The following LTBP1 variants were observed in gnomAD, a reference collection of about 807,000 sequenced individuals.
LTBP1 encodes latent-transforming growth factor beta-binding protein 1.
A neutral mutation model predicts 207.6 loss-of-function variants in LTBP1; 129 were observed. That is an observed-to-expected ratio of 0.62 (90% confidence interval 0.54 to 0.72). LTBP1 has a LOEUF of 0.72. Ranked by LOEUF, LTBP1 falls within the 30% of genes least tolerant of loss-of-function variation. The pLI, the probability that LTBP1 is intolerant of heterozygous loss-of-function variation, is 0.00. For synonymous variants in LTBP1, 963 were observed against 833.7 expected (o/e 1.16, Z -2.67); for missense variants, 2,281 against 2,217.2 (o/e 1.03, Z -0.58).
In LTBP1 at chr2:33,280,082, G is replaced by A; in HGVS notation, c.3036G>A (p.Gln1012=). ...ATCCAAGCACTTGTCCAGATGAGCAGTGTGTGAATTCTCCTGGATCTTACC... is the reference window on the plus strand; with the variant it reads ...ATCCAAGCACTTGTCCAGATGAGCAATGTGTGAATTCTCCTGGATCTTACC... ...CLNPSTCPDE[Q]CVNSPGSYQC... Residue 1012 remains glutamine, a synonymous_variant, in exon 19 of 34, where the codon CAG becomes CAA. Coordinates refer to ENST00000404816, the MANE Select transcript of LTBP1 (RefSeq NM_206943.4). 1 of 1,614,128 alleles carries A rather than the reference G, an allele frequency of 6.2e-7. No homozygotes were observed. The highest frequency in any genetic ancestry group is 8.5e-7 in the Non-Finnish European group (1 of 1,179,968).
intron 15 of LTBP1, among the ~76,000 whole-genome samples, chr2:33,269,308 C>A (rs922411909): frequency 2.6e-5 from 4 of 152,178 alleles, no homozygotes; most frequent in Admixed American, 6.5e-5. Context: ...CCATCACTGG[C>A]TTTCTGTCAT....
chr2:33,251,806 A>G (rs1006263289), intron 10 of LTBP1, among the ~76,000 whole-genome samples: 9 of 152,142 alleles, frequency 5.9e-5, no homozygotes, highest in African/African-American at 9.6e-5. Context: ...CACCAAACTT[A>G]TTCAGCACCT....
intron 2 of LTBP1, among the ~76,000 whole-genome samples, chr2:32,998,504 C>T (rs1227928821): frequency 1.1e-5 from 1 of 94,736 alleles, no homozygotes; most frequent in Non-Finnish European, 1.8e-5. Context: ...CAGAGTGAGA[C>T]TCCATCTTAA....
chr2:33,233,824 T>C (rs1483437149), intron 9 of LTBP1, among the ~76,000 whole-genome samples: 1 of 152,096 alleles, frequency 6.6e-6, no homozygotes, highest in Non-Finnish European at 1.5e-5. Context: ...AATCTACTTA[T>C]TTATATATTT....
At chr2:33,388,608 C>T (rs1254089998) in intron 31 of LTBP1, among the ~76,000 whole-genome samples, 2 of 152,146 alleles carry the variant, frequency 1.3e-5, no homozygotes, top group Admixed American at 6.5e-5. Context: ...ACCACTACCA[C>T]GGCTGTTCTT....
intron 3 of LTBP1, among the ~76,000 whole-genome samples, chr2:33,030,249 CAT>C (rs1037839824): frequency 3.9e-5 from 6 of 152,128 alleles, no homozygotes; most frequent in Non-Finnish European, 5.9e-5. Flanking sequence ...GGGAAGAAGA[CAT>C]AGACATTTTG....
chr2:33,248,096 C>T (rs922748542), intron 10 of LTBP1, among the ~76,000 whole-genome samples: 1 of 152,238 alleles, frequency 6.6e-6, no homozygotes, highest in East Asian at 1.9e-4. Flanking sequence ...CCCCTAGCCT[C>T]CCTCACTTGG....
intron 15 of LTBP1, 90 bp from the exon 16 acceptor site, chr2:33,273,566 G>T: frequency 1.0e-6 from 1 of 1,003,552 alleles, no homozygotes; most frequent in East Asian, 2.9e-5. Flanking sequence ...TTGCTAGTTG[G>T]TCAGGAAACT....
intron 31 of LTBP1, among the ~76,000 whole-genome samples, chr2:33,385,855 A>G (rs1420053721): frequency 6.6e-6 from 1 of 152,212 alleles, no homozygotes; most frequent in African/African-American, 2.4e-5. Flanking sequence ...AAGAGAAGAC[A>G]TGGTGCAGAA....
At chr2:33,017,638 A>G (rs1688569713) in intron 2 of LTBP1, among the ~76,000 whole-genome samples, 1 of 152,012 alleles carries the variant, frequency 6.6e-6, no homozygotes, top group African/African-American at 2.4e-5. Flanking sequence ...GTTTTTTGAG[A>G]TGGAGTCTTG....
At chr2:33,358,159 C>A (rs2094886602) in intron 26 of LTBP1, among the ~76,000 whole-genome samples, 2 of 152,072 alleles carry the variant, frequency 1.3e-5, no homozygotes. Context: ...GCTTGACTAA[C>A]CCTCAGTTTC....
At chr2:33,246,780 A>G (rs1012984653) in intron 10 of LTBP1, among the ~76,000 whole-genome samples, 1 of 152,126 alleles carries the variant, frequency 6.6e-6, no homozygotes, top group African/African-American at 2.4e-5. Context: ...GGTTGCAACA[A>G]TTTCACTTTC....
At chr2:33,336,994 G>A (rs1408311632) in intron 24 of LTBP1, among the ~76,000 whole-genome samples, 1 of 152,164 alleles carries the variant, frequency 6.6e-6, no homozygotes, top group African/African-American at 2.4e-5. Flanking sequence ...GAATTTTTGT[G>A]TTGAGTTCTT....
intron 24 of LTBP1, among the ~76,000 whole-genome samples, chr2:33,336,210 C>G (rs1251402285): frequency 6.6e-6 from 1 of 152,204 alleles, no homozygotes; most frequent in African/African-American, 2.4e-5. Context: ...ATGGTGTGTT[C>G]TGACCTCCAT....
At chr2:33,018,613 C>T (rs1358199105) in intron 2 of LTBP1, among the ~76,000 whole-genome samples, 1 of 152,134 alleles carries the variant, frequency 6.6e-6, no homozygotes, top group Non-Finnish European at 1.5e-5. Flanking sequence ...GGACCCAGGA[C>T]AGCATCTCAG....
chr2:33,068,395 C>T (rs2077624129), intron 3 of LTBP1, among the ~76,000 whole-genome samples: 1 of 152,066 alleles, frequency 6.6e-6, no homozygotes. Flanking sequence ...ATTACCACTC[C>T]CACACCAGAG....
intron 5 of LTBP1, 46 bp downstream of exon 5, chr2:33,135,006 T>C (rs771747370): frequency 2.9e-5 from 44 of 1,521,354 alleles, no homozygotes; most frequent in Non-Finnish European, 7.1e-6. Context: ...AGTCGAGTTT[T>C]ATGAGATTGT....
Position 33,301,537 on chromosome 2 carries a change from A to C in LTBP1, c.3374A>C (p.Gln1125Pro). ...KDQCEDIDECQHRHLCAHGQC... is the reference protein window; with the variant it reads ...KDQCEDIDECPHRHLCAHGQC... The stretch of plus-strand genomic sequence containing the variant: ...TTGCTCATAGACATTGATGAATGCC[A>C]GCACCGTCATCTCTGTGCTCATGGG... Residue 1125 changes from glutamine (Q) to proline (P), a missense_variant, in exon 22 of 34, where the codon CAG (glutamine) becomes CCG (proline). Physicochemically the swap from Gln to Pro is moderately conservative, Grantham distance 76. Transcript: ENST00000404816. The C allele has an allele frequency of 6.2e-7, 1 of 1,600,570 alleles. No individual in the cohort carries two copies. The highest frequency in any genetic ancestry group is 8.5e-7 in the Non-Finnish European group (1 of 1,175,896).
intron 5 of LTBP1, among the ~76,000 whole-genome samples, chr2:33,167,555 G>A (rs370889342): frequency 6.6e-6 from 1 of 152,216 alleles, no homozygotes; most frequent in African/African-American, 2.4e-5. Flanking sequence ...ACAAGCATTT[G>A]TTGCTTTAAG....
Sources: allele counts gnomAD v4.1 joint callset (sites outside exome capture counted in the v4.1 genomes callset), GRCh38; gene constraint gnomAD v4.1.1; transcripts MANE v1.5; gene names NCBI Gene and HGNC (gene_info 2026-07-23, HGNC 2026-07-21).